PCDH9: variants seen among roughly 807,000 people sequenced by gnomAD.
PCDH9 encodes the protein protocadherin-9.
PCDH9 carries 24 observed loss-of-function variants against 70.6 expected under a neutral mutation model. That is an observed-to-expected ratio of 0.34 (90% CI 0.25 to 0.48). The LOEUF (loss-of-function observed/expected upper bound fraction) is 0.48. Among genes scored for constraint, PCDH9 ranks in the 20% least tolerant of loss-of-function variants. The probability of loss-of-function intolerance (pLI) is 0.99; values close to 1 mark genes in which losing one functional copy is unlikely to be tolerated. For missense variants in PCDH9, 1,281 were observed against 1,503.6 expected, an observed-to-expected ratio of 0.85 and a Z score of 2.45; for synonymous variants, 562 against 558.5, an observed-to-expected ratio of 1.01 and a Z score of -0.09.
chr13:67,172,471 G>A (rs2088316078), intron 2 of PCDH9, among the ~76,000 whole-genome samples: 1 of 152,110 alleles, frequency 6.6e-6, no homozygotes, highest in African/African-American at 2.4e-5. Flanking sequence ...CAGAGAGTTG[G>A]CTTCAAATAA....
At chr13:66,806,026 A>C (rs1382372803) in intron 3 of PCDH9, among the ~76,000 whole-genome samples, 1 of 147,328 alleles carries the variant, frequency 6.8e-6, no homozygotes, top group Non-Finnish European at 1.5e-5. Context: ...TATGCACACA[A>C]AATATATATG....
intron 3 of PCDH9, among the ~76,000 whole-genome samples, chr13:66,846,108 C>A (rs1473563587): frequency 1.9e-5 from 2 of 105,814 alleles, no homozygotes; most frequent in Admixed American, 1.2e-4. Flanking sequence ...TGTAAACACA[C>A]ATAGATAATG....
intron 4 of PCDH9, among the ~76,000 whole-genome samples, chr13:66,530,543 T>A (rs1474081924): frequency 6.6e-6 from 1 of 152,036 alleles, no homozygotes; most frequent in African/African-American, 2.4e-5. Flanking sequence ...ATAATAGGTC[T>A]GCCATCCTTC....
At chr13:66,964,765 C>A (rs1467403174) in intron 2 of PCDH9, among the ~76,000 whole-genome samples, 1 of 151,878 alleles carries the variant, frequency 6.6e-6, no homozygotes, top group Non-Finnish European at 1.5e-5. Flanking sequence ...AGAACAAATA[C>A]CTATACATAA....
At chr13:66,797,308 A>G (rs903626658) in intron 3 of PCDH9, among the ~76,000 whole-genome samples, 2 of 152,086 alleles carry the variant, frequency 1.3e-5, no homozygotes, top group African/African-American at 4.8e-5. Flanking sequence ...CCCCATTATC[A>G]TCTTGGGGTT....
chr13:66,647,069 G>C (rs1488279147), intron 3 of PCDH9, among the ~76,000 whole-genome samples: 1 of 152,134 alleles, frequency 6.6e-6, no homozygotes, highest in African/African-American at 2.4e-5. Context: ...TTGCCACCAA[G>C]ACCTAAAGTG....
intron 2 of PCDH9, among the ~76,000 whole-genome samples, chr13:66,959,760 A>T (rs1312499229): frequency 1.3e-5 from 2 of 152,058 alleles, no homozygotes; most frequent in Admixed American, 6.5e-5. Context: ...CAAAAAAAAA[A>T]AAAAGAAAGA....
chr13:66,448,931 G>T (rs1958150147), intron 4 of PCDH9, among the ~76,000 whole-genome samples: 1 of 152,028 alleles, frequency 6.6e-6, no homozygotes, highest in African/African-American at 2.4e-5. Context: ...CCACATTTTG[G>T]TATTCTTGGT....
intron 4 of PCDH9, among the ~76,000 whole-genome samples, chr13:66,555,102 G>A (rs1232858743): frequency 6.6e-6 from 1 of 151,792 alleles, no homozygotes; most frequent in Non-Finnish European, 1.5e-5. Flanking sequence ...CCGGGAGGCG[G>A]AGGTTGCAGT....
At chr13:67,059,361 A>G (rs2085488115) in intron 2 of PCDH9, among the ~76,000 whole-genome samples, 1 of 124,590 alleles carries the variant, frequency 8.0e-6, no homozygotes, top group South Asian at 3.0e-4. Context: ...TATTATATAT[A>G]TATAGTGTGT....
At chr13:66,692,645 T>C (rs2078504642) in intron 3 of PCDH9, among the ~76,000 whole-genome samples, 1 of 152,088 alleles carries the variant, frequency 6.6e-6, no homozygotes, top group Non-Finnish European at 1.5e-5. Context: ...TACTATATAA[T>C]ATTTTACTCA....
At chr13:66,785,505 A>G (rs1338290317) in intron 3 of PCDH9, among the ~76,000 whole-genome samples, 2 of 151,954 alleles carry the variant, frequency 1.3e-5, no homozygotes, top group African/African-American at 4.8e-5. Flanking sequence ...TTAATGTAAG[A>G]GAAGTGGAGA....
chr13:66,669,024 C>T (rs1400066810), intron 3 of PCDH9, among the ~76,000 whole-genome samples: 1 of 152,074 alleles, frequency 6.6e-6, no homozygotes, highest in African/African-American at 2.4e-5. Flanking sequence ...TCTTATGTTG[C>T]ATTTGGCTTT....
At chr13:66,755,276 T>A (rs943810573) in intron 3 of PCDH9, among the ~76,000 whole-genome samples, 1 of 152,210 alleles carries the variant, frequency 6.6e-6, no homozygotes, top group Non-Finnish European at 1.5e-5. Context: ...GATACTGGCA[T>A]GTGTGGATAT....
intron 4 of PCDH9, among the ~76,000 whole-genome samples, chr13:66,536,062 C>G (rs1960689236): frequency 6.6e-6 from 1 of 152,156 alleles, no homozygotes; most frequent in Non-Finnish European, 1.5e-5. Flanking sequence ...GTATCTGCTC[C>G]TCTGCTCCTC....
At chr13:66,857,330 C>A (rs970705790) in intron 3 of PCDH9, among the ~76,000 whole-genome samples, 1 of 152,036 alleles carries the variant, frequency 6.6e-6, no homozygotes, top group Non-Finnish European at 1.5e-5. Context: ...AGCATTATTC[C>A]ATTGGTACAT....
chr13:66,535,636 C>T (rs1566399204), intron 4 of PCDH9, among the ~76,000 whole-genome samples: 1 of 152,024 alleles, frequency 6.6e-6, no homozygotes, highest in Non-Finnish European at 1.5e-5. Flanking sequence ...ATGAATGTAA[C>T]ACAAGAAAAT....
At chr13:66,687,915 T>C (rs2078427718) in intron 3 of PCDH9, among the ~76,000 whole-genome samples, 1 of 152,132 alleles carries the variant, frequency 6.6e-6, no homozygotes, top group Admixed American at 6.5e-5. Context: ...AATTCAAAAG[T>C]TTTTCTTTTG....
chr13:66,602,011 A>C (rs2077171233), intron 4 of PCDH9, among the ~76,000 whole-genome samples: 1 of 145,312 alleles, frequency 6.9e-6, no homozygotes, highest in Admixed American at 6.9e-5. Flanking sequence ...CTACTTATTA[A>C]AAAAAAAGTT....
Sources: gnomAD v4.1 joint callset for allele counts (sites outside exome capture counted in the v4.1 genomes callset) on GRCh38, gnomAD v4.1.1 for gene constraint, MANE v1.5 for transcripts, NCBI Gene and HGNC (gene_info 2026-07-23, HGNC 2026-07-21) for gene names.